The following ANO4 variants were observed in gnomAD, a reference collection of about 807,000 sequenced individuals.
ANO4 encodes anoctamin-4.
In ANO4, 69 loss-of-function variants were observed where a neutral mutation model predicts 141.9. The ratio of observed to expected loss-of-function variants is 0.49; its 90% CI spans 0.40 to 0.59. The LOEUF (loss-of-function observed/expected upper bound fraction) is 0.59. Among genes scored for constraint, ANO4 ranks in the 20% least tolerant of loss-of-function variants. The pLI is 0.00. For missense variants in ANO4, 894 were observed against 1,162.2 expected (o/e 0.77, Z 3.36); for synonymous variants, 350 against 394.3 (o/e 0.89, Z 1.33).
At chr12:100,875,813 A>G (rs2039272858) in intron 1 of ANO4, among the ~76,000 whole-genome samples, 1 of 151,586 alleles carries the variant, frequency 6.6e-6, no homozygotes, top group African/African-American at 2.4e-5. Context: ...AAAGGATGCC[A>G]TTTATTGAAA....
chr12:100,822,916 T>C (rs57543672), intron 1 of ANO4, among the ~76,000 whole-genome samples: 2,663 of 152,184 alleles, frequency 0.017, 75 homozygotes, highest in African/African-American at 0.06. Context: ...TCTTTTCAGA[T>C]CTCACCGTTT....
chr12:100,963,582 A>G (rs1443003204), intron 5 of ANO4, among the ~76,000 whole-genome samples: 1 of 152,184 alleles, frequency 6.6e-6, no homozygotes, highest in Non-Finnish European at 1.5e-5. Context: ...AACTACACTC[A>G]CAAATTCCAA....
intron 22 of ANO4, among the ~76,000 whole-genome samples, chr12:101,103,999 ATC>A (rs1566253305): frequency 6.6e-6 from 1 of 151,888 alleles, no homozygotes; most frequent in East Asian, 1.9e-4. Context: ...TGTTCATTTC[ATC>A]TAAATTTTCA....
In ANO4 at chr12:101,042,478, G is replaced by T; in HGVS notation, c.1154+10G>T. 1 of 1,613,986 alleles carries T rather than the reference G, an allele frequency of 6.2e-7. No homozygotes were observed. Among genetic ancestry groups the T allele is most frequent in the East Asian group, 2.2e-5 (1 of 44,874 alleles). On this transcript the variant is annotated intron_variant, in intron 12 of 27. Transcript: ENST00000392977. Reference sequence around the variant, plus strand: ...ATCACAGCCAAGTCAGGTACGGGGAGCTCTTGGATGAGTTTGCCTTTGTTT... The same window carrying T: ...ATCACAGCCAAGTCAGGTACGGGGATCTCTTGGATGAGTTTGCCTTTGTTT...
At chr12:100,800,291 C>T (rs2034603308) in intron 1 of ANO4, among the ~76,000 whole-genome samples, 1 of 152,150 alleles carries the variant, frequency 6.6e-6, no homozygotes, top group Admixed American at 6.5e-5. Flanking sequence ...ATTGTGTCCA[C>T]CCTACTGCCA....
At chr12:100,816,182 C>T (rs1420845295) in intron 1 of ANO4, among the ~76,000 whole-genome samples, 2 of 151,838 alleles carry the variant, frequency 1.3e-5, no homozygotes, top group African/African-American at 2.4e-5. Context: ...GTAGTGAACT[C>T]GTATGGTACA....
intron 1 of ANO4, among the ~76,000 whole-genome samples, chr12:100,828,284 G>A (rs1293551331): frequency 3.9e-5 from 6 of 152,026 alleles, no homozygotes; most frequent in African/African-American, 2.4e-5. Flanking sequence ...TATTTTGGAT[G>A]CATCTGGGTT....
At chr12:100,740,391 T>G (rs918865149) in intron 3 of ANO4, among the ~76,000 whole-genome samples, 1 of 152,090 alleles carries the variant, frequency 6.6e-6, no homozygotes, top group African/African-American at 2.4e-5. Flanking sequence ...TCACTGGCCT[T>G]TAATAGCTTT....
intron 1 of ANO4, among the ~76,000 whole-genome samples, chr12:100,886,611 C>T (rs1479152632): frequency 2.0e-5 from 3 of 152,132 alleles, no homozygotes; most frequent in Admixed American, 6.5e-5. Flanking sequence ...TTCCCTGAAC[C>T]GTGTAAGTCA....
intron 2 of ANO4, among the ~76,000 whole-genome samples, chr12:100,903,203 T>C (rs755190490): frequency 6.6e-6 from 1 of 152,198 alleles, no homozygotes. Context: ...AGTGGATGCT[T>C]GCCAGACTTT....
In ANO4 at chr12:101,039,950, C is replaced by T; in HGVS notation, c.898-5C>T. The T allele has an allele frequency of 6.2e-7, 1 of 1,607,798 alleles. No individual in the cohort carries two copies. Among genetic ancestry groups the T allele is most frequent in the Non-Finnish European group, 8.5e-7 (1 of 1,176,118 alleles). On this transcript the variant is annotated splice_region_variant and splice_polypyrimidine_tract_variant and intron_variant, in intron 10 of 27. Coordinates refer to ENST00000392977, the MANE Select transcript of ANO4 (RefSeq NM_001286615.2). ...ACCTCACTGGCAGTGGTGTTTTTAT[C>T]CCAGGGAAGTTATAGAAGTAAAAAC...
At chr12:100,939,480 A>G in intron 4 of ANO4, 29 bp downstream of exon 4, 1 of 1,607,760 alleles carries the variant, frequency 6.2e-7, no homozygotes, top group Non-Finnish European at 8.5e-7. Flanking sequence ...TTACAAATGT[A>G]ATTCGTGATC....
intron 1 of ANO4, chr12:100,733,660 C>T: frequency 1.7e-6 from 1 of 603,638 alleles, no homozygotes; most frequent in Non-Finnish European, 3.0e-6. Context: ...TATGAGACTA[C>T]CCGTGTCATA....
intron 5 of ANO4, among the ~76,000 whole-genome samples, chr12:100,944,258 G>A (rs77785059): frequency 0.028 from 4,310 of 152,214 alleles, 204 homozygotes; most frequent in African/African-American, 0.098. Flanking sequence ...AATTTGAGGA[G>A]GATCATGCTG....
chr12:100,828,732 T>G (rs1425941729), intron 1 of ANO4, among the ~76,000 whole-genome samples: 4 of 152,120 alleles, frequency 2.6e-5, no homozygotes, highest in South Asian at 4.1e-4. Context: ...TGAATAACAT[T>G]CTTCTTCTCT....
intron 8 of ANO4, among the ~76,000 whole-genome samples, chr12:100,994,676 G>T (rs1045349263): frequency 6.6e-6 from 1 of 152,152 alleles, no homozygotes; most frequent in Non-Finnish European, 1.5e-5. Context: ...CTTAAGAGAA[G>T]AATATGAAAT....
intron 1 of ANO4, among the ~76,000 whole-genome samples, chr12:100,824,360 C>T (rs1014704030): frequency 6.6e-6 from 1 of 151,788 alleles, no homozygotes; most frequent in Non-Finnish European, 1.5e-5. Context: ...GATTCCTTTC[C>T]AAGATTCTGA....
intron 8 of ANO4, among the ~76,000 whole-genome samples, chr12:101,000,110 A>C (rs1234240187): frequency 6.6e-6 from 1 of 152,068 alleles, no homozygotes; most frequent in Non-Finnish European, 1.5e-5. Context: ...CAACAAATCA[A>C]CAAATGATAG....
intron 5 of ANO4, among the ~76,000 whole-genome samples, chr12:100,969,524 C>A (rs1018982635): frequency 1.2e-4 from 19 of 152,048 alleles, no homozygotes; most frequent in African/African-American, 4.1e-4. Context: ...TATTTATAAC[C>A]CTTGAATGTT....
Sources: allele counts gnomAD v4.1 joint callset (sites outside exome capture counted in the v4.1 genomes callset), GRCh38; gene constraint gnomAD v4.1.1; transcripts MANE v1.5; gene names NCBI Gene and HGNC (gene_info 2026-07-23, HGNC 2026-07-21).